The following SFSWAP variants were observed in gnomAD, a reference collection of about 807,000 sequenced individuals.
SFSWAP encodes the protein splicing factor SWAP, also known as splicing factor, suppressor of white-apricot homolog.
In SFSWAP, 17 loss-of-function variants were observed where a neutral mutation model predicts 100.7. The observed-to-expected ratio is 0.17, with a 90% CI of 0.12 to 0.25. The LOEUF is 0.25. Among genes scored for constraint, SFSWAP ranks in the 10% least tolerant of loss-of-function variants. SFSWAP has a pLI of 1.00. For missense variants in SFSWAP, 1,005 were observed against 1,262.6 expected (o/e 0.80, Z 3.09); for synonymous variants, 504 against 510.1 (o/e 0.99, Z 0.16).
chr12:131,783,971 C>T (rs1057159414), intron 14 of SFSWAP: 6 of 151,610 alleles, frequency 4.0e-5, no homozygotes, highest in African/African-American at 1.4e-4. Flanking sequence ...TGTGGCTCCT[C>T]ACTGCCCTTT....
At chr12:131,797,883 G>A (rs1188648761) in intron 16 of SFSWAP, among the ~76,000 whole-genome samples, 1 of 152,224 alleles carries the variant, frequency 6.6e-6, no homozygotes, top group Non-Finnish European at 1.5e-5. Context: ...CCACACCCTG[G>A]GGGGACCAGA....
rs1877707010 is a variant in SFSWAP, at chr12:131,714,610, A to G, written c.389-212A>G. The G allele has an allele frequency of 1.8e-6, 1 of 551,152 alleles. No individual in the cohort carries two copies. The highest frequency in any genetic ancestry group is 3.2e-5 in the Admixed American group (1 of 31,538). The allele number at this position is 551,152 out of a possible 1,614,324, so 34.1% of individuals were successfully genotyped here. A position where few individuals can be genotyped will look rare whatever the true frequency, so the allele number is the denominator to read the frequency against. On this transcript the variant is annotated intron_variant, in intron 2 of 17. Transcript: ENST00000261674. The surrounding 1 kb of genome is among the most constrained non-coding windows in gnomAD (Gnocchi z 6.0). ...TCAGCAGGAAGAAATTTTCCACAAA[A>G]GACGTGTATTCAGCTGTCTGTGGGT...
chr12:131,715,001 G>T (rs113877613), intron 3 of SFSWAP, 48 bp downstream of exon 3: 5 of 1,603,098 alleles, frequency 3.1e-6, no homozygotes, highest in East Asian at 2.2e-5. Context: ...ACACGTGTAC[G>T]CACAGGCTGC....
At chr12:131,765,620 C>T (rs1462600809) in intron 12 of SFSWAP, among the ~76,000 whole-genome samples, 1 of 151,994 alleles carries the variant, frequency 6.6e-6, no homozygotes, top group Non-Finnish European at 1.5e-5. Flanking sequence ...TGCACTACAG[C>T]CTGGGCAACA....
chr12:131,718,744 C>T (rs961844984), intron 3 of SFSWAP, among the ~76,000 whole-genome samples: 2 of 152,040 alleles, frequency 1.3e-5, no homozygotes, highest in African/African-American at 2.4e-5. Flanking sequence ...GAAATCTTAG[C>T]GATACCAATT....
chr12:131,741,590 G>C (rs1880637394), intron 7 of SFSWAP, among the ~76,000 whole-genome samples: 1 of 150,594 alleles, frequency 6.6e-6, no homozygotes, highest in Non-Finnish European at 1.5e-5. Flanking sequence ...ATGCTGCAGG[G>C]AGCAATGGTT....
rs192031245 is a variant in SFSWAP at position 131,774,543 on chromosome 12, C to T, written c.2143-3522C>T. Reference sequence around the variant, plus strand: ...CTACCTAAACCAATGTACGTCTGCCCCCCTACATTCAAACATGACTTCCGT... The same window carrying T: ...CTACCTAAACCAATGTACGTCTGCCTCCCTACATTCAAACATGACTTCCGT... On this transcript the variant is annotated intron_variant, in intron 13 of 17. Coordinates refer to ENST00000261674, the MANE Select transcript of SFSWAP (RefSeq NM_004592.4). Among the ~76,000 whole-genome samples, 7 of 152,230 alleles carry T rather than the reference C, an allele frequency of 4.6e-5. No homozygotes were observed. In the East Asian group the frequency reaches 1.2e-3, roughly 25 times the overall value.
chr12:131,787,843 C>G (rs185703796), intron 15 of SFSWAP, among the ~76,000 whole-genome samples: 1 of 152,196 alleles, frequency 6.6e-6, no homozygotes, highest in Non-Finnish European at 1.5e-5. Context: ...TACCACGGTT[C>G]CCTCCGTTGA....
chr12:131,739,859 T>C (rs572180190), intron 7 of SFSWAP, among the ~76,000 whole-genome samples: 1 of 152,320 alleles, frequency 6.6e-6, no homozygotes, highest in African/African-American at 2.4e-5. Flanking sequence ...TGCTTACTTT[T>C]AGTTTTATGG....
chr12:131,742,775 G>A (rs1465526668), intron 7 of SFSWAP, among the ~76,000 whole-genome samples: 1 of 152,148 alleles, frequency 6.6e-6, no homozygotes, highest in African/African-American at 2.4e-5. Flanking sequence ...ACCATTCTGT[G>A]TTGTGATATG....
chr12:131,722,739 G>A (rs1878597562), intron 4 of SFSWAP, among the ~76,000 whole-genome samples: 2 of 151,968 alleles, frequency 1.3e-5, no homozygotes, highest in African/African-American at 4.8e-5. Flanking sequence ...CTTGAGCCCA[G>A]GAGTTCAAGA....
At position 131,786,513 on chromosome 12, in the gene SFSWAP, G is replaced by T; in HGVS notation, c.2459G>T (p.Arg820Met). Residue 820 changes from arginine (R) to methionine (M), a missense_variant, in exon 15 of 18, where the codon AGG becomes ATG. Around this residue, in one of 7 missense-constraint regions of SFSWAP, gnomAD observed 295 missense variants for 347.9 expected, o/e 0.85. Transcript: ENST00000261674. ...AGAGCCCACTCCCCTGAGAGACGGAGGGAAGAGAGGAGTGTGCCCACTGCC... is the reference window on the plus strand; with the variant it reads ...AGAGCCCACTCCCCTGAGAGACGGATGGAAGAGAGGAGTGTGCCCACTGCC... ...RRRAHSPERR[R>M]EERSVPTAYR... The T allele has an allele frequency of 6.3e-7, 1 of 1,586,988 alleles. No homozygotes were observed. The highest frequency in any genetic ancestry group is 2.3e-5 in the East Asian group (1 of 43,674).
rs182193148 is a variant in SFSWAP, at chr12:131,785,101, G to A, written c.2409-1362G>A. The A allele has an allele frequency of 2.7e-3, 4,165 of 1,535,658 alleles. 7 individuals are homozygous for A. Among genetic ancestry groups the A allele is most frequent in the Non-Finnish European group, 3.2e-3 (3,686 of 1,146,880 alleles). On this transcript the variant is annotated intron_variant, in intron 14 of 17. Transcript: ENST00000261674. The stretch of plus-strand genomic sequence containing the variant: ...CACAGCCTCCCCAGGGACGCTGCGC[G>A]CGGAGCCCTGTCAGAGCAGCGCGTC...
Position 131,725,720 on chromosome 12 carries a change from C to A in SFSWAP, c.832+90C>A. ...TGGTTCTGGGAAAAGTGTGAAGATACACATTCTTACAGATGCATGGTTGAA... is the reference window on the plus strand; with the variant it reads ...TGGTTCTGGGAAAAGTGTGAAGATAAACATTCTTACAGATGCATGGTTGAA... On this transcript the variant is annotated intron_variant, in intron 5 of 17. Coordinates refer to ENST00000261674, the MANE Select transcript of SFSWAP (RefSeq NM_004592.4). This position sits in a 1 kb window ranked among gnomAD's most constrained non-coding sequence, Gnocchi z 4.3. The A allele has an allele frequency of 2.2e-6, 2 of 905,652 alleles. No individual in the cohort carries two copies. The highest frequency in any genetic ancestry group is 3.5e-6 in the Non-Finnish European group (2 of 568,016). The allele number at this position is 905,652 out of a possible 1,614,324, so 56.1% of individuals were successfully genotyped here. A position where few individuals can be genotyped will look rare whatever the true frequency, so the allele number is the denominator to read the frequency against.
intron 15 of SFSWAP, among the ~76,000 whole-genome samples, chr12:131,790,669 T>C (rs1378275185): frequency 1.3e-5 from 2 of 152,224 alleles, no homozygotes; most frequent in African/African-American, 2.4e-5. Context: ...GGTTATCTTA[T>C]TGTAGCAAAT....
intron 4 of SFSWAP, among the ~76,000 whole-genome samples, chr12:131,720,265 A>AT (rs781468315): frequency 1.5e-4 from 23 of 152,210 alleles, no homozygotes; most frequent in Non-Finnish European, 2.6e-4. Flanking sequence ...ATTTAATGCT[A>AT]ACAACCCTAT....
chr12:131,796,501 G>C (rs1043869595), intron 15 of SFSWAP: 3 of 152,370 alleles, frequency 2.0e-5, no homozygotes, highest in African/African-American at 7.2e-5. Flanking sequence ...GAGCTGAGCT[G>C]CTGCCCACAG....
At chr12:131,760,134 T>A (rs2136232307) in intron 11 of SFSWAP, among the ~76,000 whole-genome samples, 1 of 152,316 alleles carries the variant, frequency 6.6e-6, no homozygotes, top group African/African-American at 2.4e-5. Context: ...ATAAAGGTAA[T>A]TTTCCTTTTA....
chr12:131,771,342 T>C (rs1883578374), intron 13 of SFSWAP, among the ~76,000 whole-genome samples: 1 of 152,198 alleles, frequency 6.6e-6, no homozygotes, highest in Non-Finnish European at 1.5e-5. Flanking sequence ...CTGTGGGAAA[T>C]GTGAGCTGTG....
Sources: gnomAD v4.1 joint callset for allele counts (sites outside exome capture counted in the v4.1 genomes callset) on GRCh38, gnomAD v4.1.1 for gene constraint, gnomAD v4.1.1 regional missense constraint, Gnocchi (gnomAD v3.1) non-coding constraint, MANE v1.5 for transcripts, NCBI Gene and HGNC (gene_info 2026-07-23, HGNC 2026-07-21) for gene names.